The following DCBLD1 variants were observed in gnomAD, a reference collection of about 807,000 sequenced individuals.
The protein encoded by DCBLD1 is discoidin, CUB and LCCL domain containing 1, also known as discoidin, CUB and LCCL domain-containing protein 1.
DCBLD1 carries 57 observed loss-of-function variants against 71.5 expected under a neutral mutation model. The observed-to-expected ratio is 0.80, with a 90% CI of 0.64 to 0.99. The LOEUF is 0.99. Among genes scored for constraint, DCBLD1 ranks in the 50% least tolerant of loss-of-function variants. The probability of loss-of-function intolerance (pLI) is 0.00; values close to 1 mark genes in which losing one functional copy is unlikely to be tolerated. For synonymous variants in DCBLD1, 380 were observed against 363.8 expected (o/e 1.04, Z -0.51); for missense variants, 891 against 923.5 (o/e 0.96, Z 0.46).
At chr6:117,532,438 C>T in intron 6 of DCBLD1, 45 bp downstream of exon 6, 2 of 1,521,762 alleles carry the variant, frequency 1.3e-6, no homozygotes, top group Non-Finnish European at 1.8e-6. Context: ...TAGAAGGTAA[C>T]CCTGAAGGAT....
intron 3 of DCBLD1, among the ~76,000 whole-genome samples, chr6:117,520,253 A>G (rs965029894): frequency 1.3e-5 from 2 of 152,204 alleles, no homozygotes; most frequent in African/African-American, 4.8e-5. Context: ...TTTTATAATT[A>G]TGTTTTACGA....
chr6:117,483,134 A>G (rs991903387), intron 1 of DCBLD1, among the ~76,000 whole-genome samples: 1 of 152,016 alleles, frequency 6.6e-6, no homozygotes. Context: ...TCCTTCCCCC[A>G]AAACCAGAGA....
chr6:117,528,522 G>T (rs1778614364), intron 5 of DCBLD1, among the ~76,000 whole-genome samples: 1 of 152,172 alleles, frequency 6.6e-6, no homozygotes, highest in Non-Finnish European at 1.5e-5. Flanking sequence ...CCTAAAGGAA[G>T]AGTTAAGAAA....
intron 1 of DCBLD1, chr6:117,484,826 T>C (rs1206755187): frequency 6.6e-6 from 1 of 152,206 alleles, no homozygotes; most frequent in Admixed American, 6.5e-5. Context: ...TAATTTTTTG[T>C]GTGTCAGAGT....
Position 117,548,527 on chromosome 6 carries a change from C to A in DCBLD1, c.*88C>A. The stretch of plus-strand genomic sequence containing the variant: ...AGGGAGCCTGCTGGTCCAGAGTGTG[C>A]GTGTGTATCGGTGTGTGTGTACACT... On this transcript the variant is annotated 3_prime_UTR_variant, in exon 15 of 15. Coordinates refer to ENST00000338728, the MANE Select transcript of DCBLD1 (RefSeq NM_001366458.2). The A allele has an allele frequency of 6.6e-7, 1 of 1,521,928 alleles. No individual in the cohort carries two copies. Among genetic ancestry groups the A allele is most frequent in the Non-Finnish European group, 8.8e-7 (1 of 1,138,584 alleles). 94.3% of individuals were successfully genotyped at this position (1,521,928 alleles called of 1,614,324 possible).
chr6:117,548,338 T>G lies in DCBLD1; in HGVS notation c.2047T>G (p.Ser683Ala). ...ALATESGHPDSQKPPTHPGTS... is the reference protein window; with the variant it reads ...ALATESGHPDAQKPPTHPGTS... Reference sequence around the variant, plus strand: ...CGCCACCGAAAGCGGGCACCCTGACTCTCAGAAGCCCCCAACGCATCCCGG... The same window carrying G: ...CGCCACCGAAAGCGGGCACCCTGACGCTCAGAAGCCCCCAACGCATCCCGG... Residue 683 changes from serine (S) to alanine (A), a missense_variant, in exon 15 of 15, where the codon TCT (serine) becomes GCT (alanine). Physicochemically the swap from Ser to Ala is moderately conservative, Grantham distance 99. Coordinates refer to ENST00000338728, the MANE Select transcript of DCBLD1 (RefSeq NM_001366458.2). The G allele has an allele frequency of 6.4e-7, 1 of 1,550,662 alleles. No individual in the cohort carries two copies. Among genetic ancestry groups the G allele is most frequent in the South Asian group, 1.2e-5 (1 of 84,060 alleles).
intron 1 of DCBLD1, among the ~76,000 whole-genome samples, chr6:117,500,288 A>C (rs1777610501): frequency 6.6e-6 from 1 of 152,250 alleles, no homozygotes; most frequent in South Asian, 2.1e-4. Context: ...TTAGAGTGAT[A>C]CTAGAACTTC....
chr6:117,496,932 G>C (rs1433078924), intron 1 of DCBLD1, among the ~76,000 whole-genome samples: 1 of 152,146 alleles, frequency 6.6e-6, no homozygotes, highest in Non-Finnish European at 1.5e-5. Context: ...TACTTGAGGT[G>C]TGATAAAAAA....
At position 117,548,595 on chromosome 6, in the gene DCBLD1, G is replaced by A. The variant is rs1029208989; in HGVS notation, c.*156G>A. ...TCCAGTAGGATCCTAGAGACAACCT[G>A]TCATACTGTTTACAAAATTGTGCAG... On this transcript the variant is annotated 3_prime_UTR_variant, in exon 15 of 15. Coordinates refer to ENST00000338728, the MANE Select transcript of DCBLD1 (RefSeq NM_001366458.2). 6.9e-6 allele frequency: 10 copies of A among 1,441,802 alleles called. No individual in the cohort carries two copies. In the Admixed American group the frequency reaches 1.4e-4, roughly 20 times the overall value. The allele number at this position is 1,441,802 out of a possible 1,614,324, so 89.3% of individuals were successfully genotyped here.
chr6:117,556,874 C>T (rs576460240), intron 14 of DCBLD1, among the ~76,000 whole-genome samples: 3 of 152,062 alleles, frequency 2.0e-5, no homozygotes, highest in African/African-American at 7.2e-5. Context: ...CTGTAGCCTC[C>T]CCAACATCTG....
chr6:117,562,533 G>C lies in DCBLD1; in HGVS notation c.1616-7087G>C, dbSNP rs927668229. 6 of 203,466 alleles carry C rather than the reference G, an allele frequency of 2.9e-5. No homozygotes were observed. In the Admixed American group the frequency reaches 3.0e-4, roughly 10 times the overall value. The allele number at this position is 203,466 out of a possible 1,614,324, so 12.6% of individuals were successfully genotyped here. A position where few individuals can be genotyped will look rare whatever the true frequency, so the allele number is the denominator to read the frequency against. ...ACACAGATCAACATAATTGAGAACA[G>C]ATGTTTTACACTCATCTGCATTTCT... On this transcript the variant is annotated intron_variant, in intron 14 of 14. Coordinates refer to the DCBLD1 transcript ENST00000296955.
In DCBLD1 at chr6:117,532,398, G is replaced by A. The variant is rs1778754365; in HGVS notation, c.719+5G>A. 1 of 1,600,106 alleles carries A rather than the reference G, an allele frequency of 6.2e-7. No individual in the cohort carries two copies. Among genetic ancestry groups the A allele is most frequent in the Non-Finnish European group, 8.5e-7 (1 of 1,175,734 alleles). ...CAATGGTGTTCTTTCGAGGGAGTAAGTATTTTTTTTCAGTATCGTTTGTTC... is the reference window on the plus strand; with the variant it reads ...CAATGGTGTTCTTTCGAGGGAGTAAATATTTTTTTTCAGTATCGTTTGTTC... On this transcript the variant is annotated splice_donor_5th_base_variant and intron_variant, in intron 6 of 14. Coordinates refer to ENST00000338728, the MANE Select transcript of DCBLD1 (RefSeq NM_001366458.2).
chr6:117,549,968 G>A (rs1006274456), downstream of DCBLD1, among the ~76,000 whole-genome samples: 2 of 152,206 alleles, frequency 1.3e-5, no homozygotes, highest in African/African-American at 4.8e-5. Flanking sequence ...CTATAATGAT[G>A]AGACTCGGTT....
chr6:117,489,111 G>C (rs1248514872), intron 1 of DCBLD1, among the ~76,000 whole-genome samples: 1 of 152,150 alleles, frequency 6.6e-6, no homozygotes, highest in Non-Finnish European at 1.5e-5. Context: ...AAGAAGATAG[G>C]TGTATTTGGC....
Position 117,540,942 on chromosome 6 carries a change from A to G in DCBLD1, c.1274A>G (p.Lys425Arg). The change falls in exon 11 of 15, where the codon AAG (lysine) becomes AGG (arginine). Residue 425 changes from lysine to arginine, a missense_variant. Lys to Arg is a conservative substitution (Grantham distance 26). Coordinates refer to ENST00000338728, the MANE Select transcript of DCBLD1 (RefSeq NM_001366458.2). ...TQGNDSLVWR[K>R]TSQSTSVSTK... ...GGTAATGATTCATTGGTGTGGCGCA[A>G]GACAAGTCAAAGCACCAGTGTTTCA... 1 of 1,613,906 alleles carries G rather than the reference A, an allele frequency of 6.2e-7. No homozygotes were observed. The highest frequency in any genetic ancestry group is 2.2e-5 in the East Asian group (1 of 44,632).
At chr6:117,489,654 G>A (rs548711637) in intron 1 of DCBLD1, among the ~76,000 whole-genome samples, 1 of 152,306 alleles carries the variant, frequency 6.6e-6, no homozygotes, top group South Asian at 2.1e-4. Flanking sequence ...GGAGGCCGAG[G>A]CGGGTGGATC....
chr6:117,510,041 C>T (rs149874853), intron 2 of DCBLD1, among the ~76,000 whole-genome samples: 13 of 152,232 alleles, frequency 8.5e-5, no homozygotes, highest in African/African-American at 3.1e-4. Context: ...CCTTCCAGGC[C>T]ATCTAATGTT....
In DCBLD1 at chr6:117,538,667, T is replaced by G. The variant is rs377384320; in HGVS notation, c.808T>G (p.Ser270Ala). 13 of 1,614,192 alleles carry G rather than the reference T, an allele frequency of 8.1e-6. No individual in the cohort carries two copies. Among genetic ancestry groups the G allele is most frequent in the Middle Eastern group, 1.6e-4 (1 of 6,062 alleles). Residue 270 changes from serine (S) to alanine (A), a missense_variant, in exon 8 of 15, where the codon TCT (serine) becomes GCT (alanine). Ser to Ala is a moderately conservative substitution (Grantham distance 99). Transcript: ENST00000338728. ...SFEPDGQIRA[S>A]SSWQSVNESG... ...TGAACCTGACGGGCAAATCAGAGCT[T>G]CTTCCTCATGGCAGTCGGTCAATGA...
Position 117,482,778 on chromosome 6 carries a change from G to A in DCBLD1, c.-4G>A, listed in dbSNP as rs941432489. 16 of 1,139,334 alleles carry A rather than the reference G, an allele frequency of 1.4e-5. No individual in the cohort carries two copies. Among genetic ancestry groups the A allele is most frequent in the African/African-American group, 1.3e-4 (8 of 60,960 alleles). The allele number at this position is 1,139,334 out of a possible 1,614,324, so 70.6% of individuals were successfully genotyped here. On this transcript the variant is annotated 5_prime_UTR_variant, in exon 1 of 15. Coordinates refer to ENST00000338728, the MANE Select transcript of DCBLD1 (RefSeq NM_001366458.2). Reference sequence around the variant, plus strand: ...AGCTTGCCAAGCTGGCGCCCAGCGGGGTCATGGTGCCCGGCGCCCGCGGCG... The same window carrying A: ...AGCTTGCCAAGCTGGCGCCCAGCGGAGTCATGGTGCCCGGCGCCCGCGGCG...
Sources: allele counts gnomAD v4.1 joint callset (sites outside exome capture counted in the v4.1 genomes callset), GRCh38; gene constraint gnomAD v4.1.1; transcripts MANE v1.5; gene names NCBI Gene and HGNC (gene_info 2026-07-23, HGNC 2026-07-21).